Variants in MACROD2 observed in about 807,000 individuals in gnomAD.
The protein encoded by MACROD2 is ADP-ribose glycohydrolase MACROD2.
In MACROD2, 36 loss-of-function variants were observed where a neutral mutation model predicts 70.4. The ratio of observed to expected loss-of-function variants is 0.51; its 90% CI spans 0.39 to 0.68. The LOEUF is 0.68. Among genes scored for constraint, MACROD2 ranks in the 30% least tolerant of loss-of-function variants. The probability of loss-of-function intolerance (pLI) is 0.00; values close to 1 mark genes in which losing one functional copy is unlikely to be tolerated. For synonymous variants in MACROD2, 172 were observed against 178.8 expected, an observed-to-expected ratio of 0.96 and a Z score of 0.30; for missense variants, 496 against 538.4, an observed-to-expected ratio of 0.92 and a Z score of 0.78.
At chr20:14,339,282 T>C (rs1189752366) in intron 3 of MACROD2, among the ~76,000 whole-genome samples, 1 of 152,228 alleles carries the variant, frequency 6.6e-6, no homozygotes. Context: ...CTAGGAGTTT[T>C]AGATTCTAAT....
chr20:14,831,827 G>A (rs2122237697), intron 5 of MACROD2, among the ~76,000 whole-genome samples: 1 of 142,172 alleles, frequency 7.0e-6, no homozygotes, highest in African/African-American at 2.6e-5. Flanking sequence ...CAAGATATCT[G>A]GCACACGTTG....
At chr20:14,829,404 A>G (rs2122230683) in intron 5 of MACROD2, among the ~76,000 whole-genome samples, 1 of 152,016 alleles carries the variant, frequency 6.6e-6, no homozygotes, top group South Asian at 2.1e-4. Context: ...TGCTGGGAGA[A>G]CTATTTTTTA....
intron 6 of MACROD2, among the ~76,000 whole-genome samples, chr20:15,349,576 G>A (rs564915934): frequency 2.6e-5 from 4 of 151,996 alleles, no homozygotes; most frequent in African/African-American, 9.6e-5. Context: ...CCAACATGGT[G>A]AAACCCCATC....
At chr20:15,744,069 A>G (rs898096191) in intron 8 of MACROD2, among the ~76,000 whole-genome samples, 1 of 152,080 alleles carries the variant, frequency 6.6e-6, no homozygotes, top group Non-Finnish European at 1.5e-5. Flanking sequence ...TAGTTTTCCT[A>G]TATGTGTGCA....
At chr20:15,494,076 G>A (rs1383818106) in intron 7 of MACROD2, among the ~76,000 whole-genome samples, 1 of 152,136 alleles carries the variant, frequency 6.6e-6, no homozygotes, top group Admixed American at 6.5e-5. Context: ...ACTTGTCTTG[G>A]CTTCTAGTTA....
intron 6 of MACROD2, among the ~76,000 whole-genome samples, chr20:15,422,711 C>A (rs1263302889): frequency 6.6e-6 from 1 of 152,174 alleles, no homozygotes; most frequent in Non-Finnish European, 1.5e-5. Flanking sequence ...TATAAAATTG[C>A]CTGTCTCTCT....
intron 6 of MACROD2, among the ~76,000 whole-genome samples, chr20:15,355,839 T>C (rs2078280867): frequency 6.6e-6 from 1 of 152,190 alleles, no homozygotes. Flanking sequence ...TTTCAGGAAT[T>C]AGGAAAATTT....
chr20:14,363,228 A>C (rs1290125677), intron 3 of MACROD2, among the ~76,000 whole-genome samples: 1 of 152,176 alleles, frequency 6.6e-6, no homozygotes, highest in African/African-American at 2.4e-5. Context: ...AATAATTGTG[A>C]ACAATTATCT....
intron 8 of MACROD2, among the ~76,000 whole-genome samples, chr20:15,695,399 T>C (rs933741108): frequency 2.9e-4 from 43 of 146,944 alleles, no homozygotes; most frequent in Admixed American, 4.8e-4. Flanking sequence ...TCTTTCTTTT[T>C]TTCTTCTTCT....
intron 4 of MACROD2, among the ~76,000 whole-genome samples, chr20:14,626,319 G>T (rs951549752): frequency 1.3e-5 from 2 of 152,114 alleles, no homozygotes; most frequent in South Asian, 2.1e-4. Flanking sequence ...CATGGCATCT[G>T]CAAGGAACCA....
chr20:14,986,955 T>C (rs1322193403), intron 5 of MACROD2, among the ~76,000 whole-genome samples: 1 of 152,128 alleles, frequency 6.6e-6, no homozygotes. Context: ...TATATTGCAA[T>C]GGACTGAGTG....
intron 5 of MACROD2, among the ~76,000 whole-genome samples, chr20:14,753,383 A>C (rs1470430475): frequency 6.6e-6 from 1 of 152,044 alleles, no homozygotes; most frequent in Non-Finnish European, 1.5e-5. Flanking sequence ...TGGTACATAA[A>C]ATATGTTCAA....
At chr20:15,268,222 T>G (rs1242717108) in intron 6 of MACROD2, among the ~76,000 whole-genome samples, 2 of 152,168 alleles carry the variant, frequency 1.3e-5, no homozygotes, top group African/African-American at 4.8e-5. Context: ...TGTTCAAGAT[T>G]AGTGCAGGAT....
At chr20:15,725,033 G>A (rs993684586) in intron 8 of MACROD2, among the ~76,000 whole-genome samples, 2 of 152,080 alleles carry the variant, frequency 1.3e-5, no homozygotes, top group African/African-American at 4.8e-5. Context: ...AGTGAGCCGA[G>A]ATCACGCCAC....
Position 16,028,855 on chromosome 20 carries a change from C to T in MACROD2, c.1154-12346C>T, listed in dbSNP as rs943543562. On this transcript the variant is annotated intron_variant, in intron 15 of 17. Transcript: ENST00000684519. ...TGGAAAAAACAGACTAGGTGAGTAA[C>T]AGATGGCATACAATCAATTGTATCT... Among the ~76,000 whole-genome samples the T allele has an allele frequency of 2.0e-5, 3 of 152,168 alleles. No individual in the cohort carries two copies. In the South Asian group the frequency reaches 6.2e-4, roughly 32 times the overall value.
chr20:15,475,108 G>A (rs1463880842), intron 7 of MACROD2, among the ~76,000 whole-genome samples: 2 of 152,176 alleles, frequency 1.3e-5, no homozygotes, highest in East Asian at 1.9e-4. Context: ...CATTTTATTA[G>A]GTATTATAAG....
intron 8 of MACROD2, among the ~76,000 whole-genome samples, chr20:15,849,266 G>C (rs2064269503): frequency 6.6e-6 from 1 of 152,188 alleles, no homozygotes; most frequent in African/African-American, 2.4e-5. Context: ...TTTGCCTTTT[G>C]AACGAAAAGA....
chr20:15,074,909 G>A (rs2075646833), intron 5 of MACROD2, among the ~76,000 whole-genome samples: 1 of 152,136 alleles, frequency 6.6e-6, no homozygotes, highest in Non-Finnish European at 1.5e-5. Flanking sequence ...CCATAAGACA[G>A]CATCTCTTCC....
intron 6 of MACROD2, among the ~76,000 whole-genome samples, chr20:15,293,576 G>A (rs1186989394): frequency 6.6e-6 from 1 of 152,228 alleles, no homozygotes; most frequent in East Asian, 1.9e-4. Context: ...GATTGTGCCT[G>A]AGGGCACATG....
Sources: allele counts gnomAD v4.1 joint callset (sites outside exome capture counted in the v4.1 genomes callset), GRCh38; gene constraint gnomAD v4.1.1; transcripts MANE v1.5; gene names NCBI Gene and HGNC (gene_info 2026-07-23, HGNC 2026-07-21).